Variants in SI observed in about 807,000 individuals in gnomAD.
SI encodes the protein sucrase-isomaltase, intestinal.
A neutral mutation model predicts 253.3 loss-of-function variants in SI; 235 were observed. That is an observed-to-expected ratio of 0.93 (90% CI 0.83 to 1.03). The LOEUF (loss-of-function observed/expected upper bound fraction) is 1.03. Among genes scored for constraint, SI ranks in the 50% least tolerant of loss-of-function variants. The pLI is 0.00. For missense variants in SI, 2,442 were observed against 2,211.1 expected (o/e 1.10, Z -2.09); for synonymous variants, 819 against 712.0 (o/e 1.15, Z -2.39).
chr3:165,059,826 A>G (rs1713900412), intron 10 of SI, 76 bp downstream of exon 10: 2 of 1,463,844 alleles, frequency 1.4e-6, no homozygotes, highest in African/African-American at 2.8e-5. Context: ...GATACTCCTG[A>G]CAATTTCCTA....
intron 27 of SI, among the ~76,000 whole-genome samples, chr3:165,020,640 G>A (rs1340440296): frequency 1.3e-5 from 2 of 151,258 alleles, no homozygotes; most frequent in African/African-American, 2.4e-5. Flanking sequence ...AAAACATCCT[G>A]ATAACATCAT....
chr3:165,058,307 T>C (rs1022177915), intron 12 of SI, among the ~76,000 whole-genome samples: 4 of 151,848 alleles, frequency 2.6e-5, no homozygotes, highest in African/African-American at 9.7e-5. Context: ...GGGGAAAAAT[T>C]ATAGCAGTAA....
intron 40 of SI, among the ~76,000 whole-genome samples, chr3:164,995,465 C>T (rs1252261687): frequency 3.3e-5 from 5 of 151,752 alleles, no homozygotes; most frequent in Non-Finnish European, 2.9e-5. Flanking sequence ...TCGAGTAATA[C>T]ATTTCAATAG....
rs866800826 is a variant in SI, at chr3:164,991,455, C to T, written c.5006G>A (p.Gly1669Glu). The T allele has an allele frequency of 4.3e-6, 7 of 1,613,450 alleles. No individual in the cohort carries two copies. Among genetic ancestry groups the T allele is most frequent in the Non-Finnish European group, 5.9e-6 (7 of 1,179,662 alleles). Reference sequence around the variant, plus strand: ...AGAAGCATTAAATGTTTGAAATTGTCCTCTGACGCCAATATCTTTGCCCTG... The same window carrying T: ...AGAAGCATTAAATGTTTGAAATTGTTCTCTGACGCCAATATCTTTGCCCTG... ...YHTGKDIGVR[G>E]QFQTFNASYD... The change falls in exon 44 of 48, where the codon GGA becomes GAA. Residue 1669 changes from glycine to glutamate, a missense_variant. Physicochemically the swap from Gly to Glu is moderately conservative, Grantham distance 98. Transcript: ENST00000264382.
At position 165,019,586 on chromosome 3, in the gene SI, A is replaced by T. The variant is rs1031244553; in HGVS notation, c.3423+16T>A. ...GTCTTAGTTGCCTCGTGGAGTGGTC[A>T]TATGTTGGTACCTACACCAGGGGGT... On this transcript the variant is annotated intron_variant, in intron 28 of 47. Transcript: ENST00000264382. The T allele has an allele frequency of 6.2e-7, 1 of 1,610,894 alleles. No homozygotes were observed. Among genetic ancestry groups the T allele is most frequent in the Non-Finnish European group, 8.5e-7 (1 of 1,177,800 alleles).
rs1403230099 is a variant in SI, at chr3:165,030,856, A to T, written c.2748T>A (p.Ile916=). 1.9e-6 allele frequency: 3 copies of T among 1,583,728 alleles called. No individual in the cohort carries two copies. In the Admixed American group the frequency reaches 5.3e-5, roughly 28 times the overall value. The stretch of plus-strand genomic sequence containing the variant: ...TTCCAAGATTAAGTTTGAGATCTGC[A>T]ATTAGGAGAACCTTTGAAGACAAAA... ...TYDASNQVLL[I]ADLKLNLGRN... The change falls in exon 25 of 48, where the codon ATT becomes ATA. Residue 916 remains isoleucine, a synonymous_variant. Transcript: ENST00000264382.
At chr3:164,993,320 T>C (rs1350620391) in intron 41 of SI, among the ~76,000 whole-genome samples, 5 of 151,668 alleles carry the variant, frequency 3.3e-5, no homozygotes, top group African/African-American at 1.2e-4. Flanking sequence ...GGGATTATGG[T>C]AGATGATAAA....
At chr3:164,988,504 T>G (rs2108119426) in intron 44 of SI, among the ~76,000 whole-genome samples, 1 of 152,284 alleles carries the variant, frequency 6.6e-6, no homozygotes, top group East Asian at 1.9e-4. Flanking sequence ...AAGGCACACC[T>G]TATGAATGGT....
chr3:165,052,034 T>C (rs1447952266), intron 13 of SI, among the ~76,000 whole-genome samples: 1 of 152,060 alleles, frequency 6.6e-6, no homozygotes, highest in Admixed American at 6.6e-5. Flanking sequence ...ATTTTAACCA[T>C]ATTTTACATA....
intron 24 of SI, among the ~76,000 whole-genome samples, chr3:165,031,958 AT>A (rs887002111): frequency 6.6e-6 from 1 of 151,256 alleles, no homozygotes; most frequent in East Asian, 1.9e-4. Flanking sequence ...CAATTTTGTT[AT>A]TTTTTCCCCT....
In SI at chr3:165,009,336, C is replaced by A; in HGVS notation, c.4122G>T (p.Trp1374Cys). ...TGTAAAAGTCCACAATTTCTCTGGC[C>A]CACCACTCTGCTGTGGAAGTCCTGA... Reference protein sequence around the residue: ...DFFRTSTAEWWAREIVDFYNE... With the variant: ...DFFRTSTAEWCAREIVDFYNE... The change falls in exon 35 of 48, where the codon TGG (tryptophan) becomes TGT (cysteine). Residue 1374 changes from tryptophan to cysteine, a missense_variant. Transcript: ENST00000264382. 6.2e-7 allele frequency: 1 copy of A among 1,613,590 alleles called. No individual in the cohort carries two copies. The highest frequency in any genetic ancestry group is 8.5e-7 in the Non-Finnish European group (1 of 1,179,700).
chr3:165,019,878 T>C, intron 27 of SI, 108 bp from the exon 28 acceptor site: 1 of 1,011,852 alleles, frequency 9.9e-7, no homozygotes, highest in Non-Finnish European at 1.5e-6. Context: ...AATATTATTT[T>C]CCATATTCCT....
At chr3:165,078,258 T>C (rs1048792227) in intron 1 of SI, among the ~76,000 whole-genome samples, 175 bp downstream of exon 1, 5 of 151,446 alleles carry the variant, frequency 3.3e-5, no homozygotes, top group African/African-American at 7.3e-5. Context: ...AAATTAGAAA[T>C]ATTTTTTCCT....
At chr3:165,024,442 A>G (rs1711794519) in intron 25 of SI, among the ~76,000 whole-genome samples, 1 of 151,324 alleles carries the variant, frequency 6.6e-6, no homozygotes, top group African/African-American at 2.4e-5. Context: ...GAGAAATATT[A>G]TATTTATCTA....
intron 3 of SI, among the ~76,000 whole-genome samples, chr3:165,069,453 A>G (rs1300891152): frequency 6.6e-6 from 1 of 152,086 alleles, no homozygotes; most frequent in Non-Finnish European, 1.5e-5. Flanking sequence ...AATTTTTGTA[A>G]GCTTATGTAT....
At chr3:165,056,544 C>T (rs1442506171) in intron 12 of SI, among the ~76,000 whole-genome samples, 1 of 152,082 alleles carries the variant, frequency 6.6e-6, no homozygotes, top group East Asian at 1.9e-4. Context: ...CATACACCAC[C>T]CCTCTCACAT....
rs780825295 is a variant in SI at position 164,991,408 on chromosome 3, C to T, written c.5053G>A (p.Val1685Ile). 2.5e-6 allele frequency: 4 copies of T among 1,613,574 alleles called. No individual in the cohort carries two copies. In the Middle Eastern group the frequency reaches 5.0e-4, roughly 200 times the overall value. ...NASYDTINLH[V>I]RGGHILPCQE... ...CATGGTAGGATGTGACCACCACGGA[C>T]ATGTAGGTTTATTGTGTCATAAGAA... The change falls in exon 44 of 48, where the codon GTC (valine) becomes ATC (isoleucine). Residue 1685 changes from valine (V) to isoleucine (I), a missense_variant. Coordinates refer to ENST00000264382, the MANE Select transcript of SI (RefSeq NM_001041.4).
intron 3 of SI, among the ~76,000 whole-genome samples, chr3:165,073,379 A>C (rs1714724882): frequency 6.6e-6 from 1 of 152,074 alleles, no homozygotes. Flanking sequence ...GTATCTCAGT[A>C]AATACTATGT....
At chr3:165,015,767 T>A (rs539179627) in intron 32 of SI, among the ~76,000 whole-genome samples, 185 bp downstream of exon 32, 2 of 152,158 alleles carry the variant, frequency 1.3e-5, no homozygotes, top group South Asian at 4.1e-4. Context: ...TATACCTAAA[T>A]ACAAAGGTAG....
Sources: gnomAD v4.1 joint callset for allele counts (sites outside exome capture counted in the v4.1 genomes callset) on GRCh38, gnomAD v4.1.1 for gene constraint, MANE v1.5 for transcripts, NCBI Gene and HGNC (gene_info 2026-07-23, HGNC 2026-07-21) for gene names.